Variants in ARID4B observed in about 807,000 individuals in gnomAD.
The protein encoded by ARID4B is AT-rich interactive domain-containing protein 4B.
ARID4B carries 26 observed loss-of-function variants against 147.5 expected under a neutral mutation model. The ratio of observed to expected loss-of-function variants is 0.18; its 90% CI spans 0.13 to 0.24. The LOEUF is 0.24. Ranked by LOEUF, ARID4B falls within the 10% of genes least tolerant of loss-of-function variation. The probability of loss-of-function intolerance (pLI) is 1.00; values close to 1 mark genes in which losing one functional copy is unlikely to be tolerated. For synonymous variants in ARID4B, 512 were observed against 507.9 expected (o/e 1.01, Z -0.11); for missense variants, 1,179 against 1,511.5 (o/e 0.78, Z 3.65).
At chr1:235,306,684 C>T (rs1489740605) in intron 2 of ARID4B, among the ~76,000 whole-genome samples, 1 of 151,986 alleles carries the variant, frequency 6.6e-6, no homozygotes, top group Non-Finnish European at 1.5e-5. Context: ...GACAGAGTCT[C>T]TCCCTCTGTC....
intron 2 of ARID4B, among the ~76,000 whole-genome samples, chr1:235,278,177 T>C (rs763864715): frequency 2.0e-5 from 3 of 152,178 alleles, no homozygotes; most frequent in Non-Finnish European, 4.4e-5. Flanking sequence ...AAGCATTCAA[T>C]AGAATAGTTT....
intron 2 of ARID4B, among the ~76,000 whole-genome samples, chr1:235,280,752 G>C (rs757758434): frequency 1.3e-5 from 2 of 152,230 alleles, no homozygotes. Context: ...GTGACCTAGG[G>C]AGTCGCCAGG....
At chr1:235,244,136 A>G (rs1669155383) in intron 7 of ARID4B, among the ~76,000 whole-genome samples, 1 of 152,206 alleles carries the variant, frequency 6.6e-6, no homozygotes, top group African/African-American at 2.4e-5. Flanking sequence ...TAGCAAGTAT[A>G]AACCAGGTAT....
At chr1:235,280,251 T>G (rs1671582046) in intron 2 of ARID4B, among the ~76,000 whole-genome samples, 1 of 152,180 alleles carries the variant, frequency 6.6e-6, no homozygotes, top group Admixed American at 6.5e-5. Flanking sequence ...TTATTTCCAT[T>G]GTCTTATTCT....
chr1:235,307,839 CCTTT>C (rs1673688243), intron 2 of ARID4B, among the ~76,000 whole-genome samples: 1 of 151,998 alleles, frequency 6.6e-6, no homozygotes, highest in Admixed American at 6.6e-5. Context: ...TACTAATTTT[CCTTT>C]CTTTTAGAGA....
intron 2 of ARID4B, among the ~76,000 whole-genome samples, chr1:235,287,002 G>A (rs1165559425): frequency 1.3e-5 from 2 of 152,230 alleles, no homozygotes; most frequent in African/African-American, 4.8e-5. Flanking sequence ...GCTCACGCCT[G>A]TAATCCCAGC....
intron 2 of ARID4B, among the ~76,000 whole-genome samples, chr1:235,305,114 A>T (rs1169158791): frequency 6.6e-6 from 1 of 152,218 alleles, no homozygotes; most frequent in Non-Finnish European, 1.5e-5. Context: ...GCCCTATTTA[A>T]TATAAACACA....
chr1:235,288,024 T>TATA (rs1672098526), intron 2 of ARID4B, among the ~76,000 whole-genome samples: 1 of 152,198 alleles, frequency 6.6e-6, no homozygotes, highest in Non-Finnish European at 1.5e-5. Flanking sequence ...AACATTAATG[T>TATA]GGCTGGGCGC....
At chr1:235,237,384 T>C (rs1032884686) in intron 8 of ARID4B, among the ~76,000 whole-genome samples, 3 of 152,132 alleles carry the variant, frequency 2.0e-5, no homozygotes, top group African/African-American at 7.2e-5. Flanking sequence ...TCCTTGTACA[T>C]ATAGGTATCC....
At chr1:235,293,099 T>A (rs533699495) in intron 2 of ARID4B, among the ~76,000 whole-genome samples, 6 of 152,342 alleles carry the variant, frequency 3.9e-5, no homozygotes, top group African/African-American at 1.2e-4. Context: ...GCTCCCCTTG[T>A]GCCAAGCATT....
intron 3 of ARID4B, among the ~76,000 whole-genome samples, chr1:235,257,528 G>C (rs988025558): frequency 6.6e-6 from 1 of 150,432 alleles, no homozygotes; most frequent in African/African-American, 2.5e-5. Flanking sequence ...TGTCGCCCAG[G>C]TTGGAGTGCA....
At chr1:235,278,295 G>C (rs1671465476) in intron 2 of ARID4B, among the ~76,000 whole-genome samples, 2 of 152,072 alleles carry the variant, frequency 1.3e-5, no homozygotes, top group African/African-American at 4.8e-5. Flanking sequence ...AACATTTTCA[G>C]AATTTCATTA....
intron 2 of ARID4B, among the ~76,000 whole-genome samples, chr1:235,323,468 GA>G (rs966703805): frequency 7.9e-5 from 12 of 151,496 alleles, no homozygotes; most frequent in Admixed American, 3.3e-4. Flanking sequence ...ATAGATACAG[GA>G]AAAAAAAGTT....
chr1:235,296,277 G>C (rs1219986733), intron 2 of ARID4B: 1 of 153,168 alleles, frequency 6.5e-6, no homozygotes, highest in Non-Finnish European at 1.5e-5. Context: ...ATGGAAAGAA[G>C]GCCCATGTTC....
At chr1:235,239,626 T>C (rs967262797) in intron 8 of ARID4B, among the ~76,000 whole-genome samples, 2 of 152,088 alleles carry the variant, frequency 1.3e-5, no homozygotes, top group Non-Finnish European at 2.9e-5. Context: ...GATAAAAAGC[T>C]CAAAAGGCTT....
intron 2 of ARID4B, among the ~76,000 whole-genome samples, chr1:235,265,775 G>T (rs758300920): frequency 1.3e-5 from 2 of 152,038 alleles, no homozygotes; most frequent in Non-Finnish European, 2.9e-5. Flanking sequence ...TTAGTAGTGA[G>T]GTGACCTTGG....
rs536697068 is a variant in ARID4B at position 235,203,913 on chromosome 1, ATG to A, written c.1842-7800_1842-7799del. ...TGAATTTTATATAATCTCAATTTAT[ATG>A]TATTTTAATCTGACTATCTAAAACA... On this transcript the variant is annotated intron_variant, in intron 17 of 23. Transcript: ENST00000264183. Among the ~76,000 whole-genome samples, 8 of 152,336 alleles carry A rather than the reference ATG, an allele frequency of 5.3e-5. 1 individual carries two copies. In the South Asian group the frequency reaches 1.7e-3, roughly 32 times the overall value.
chr1:235,274,993 TTG>T (rs72168611), intron 2 of ARID4B, among the ~76,000 whole-genome samples: 4,780 of 147,930 alleles, frequency 0.032, 93 homozygotes, highest in African/African-American at 0.064. Flanking sequence ...AGGCCTAATT[TTG>T]TGTGTGTGTG....
intron 2 of ARID4B, among the ~76,000 whole-genome samples, chr1:235,308,764 G>C (rs370457745): frequency 6.6e-6 from 1 of 151,840 alleles, no homozygotes; most frequent in Non-Finnish European, 1.5e-5. Flanking sequence ...GACGGAGTCT[G>C]GTTCACTCAG....
Sources: gnomAD v4.1 joint callset for allele counts (sites outside exome capture counted in the v4.1 genomes callset) on GRCh38, gnomAD v4.1.1 for gene constraint, MANE v1.5 for transcripts, NCBI Gene and HGNC (gene_info 2026-07-23, HGNC 2026-07-21) for gene names.